Variants in MSI2 observed in about 807,000 individuals in gnomAD.
The protein encoded by MSI2 is RNA-binding protein Musashi homolog 2.
Under a neutral mutation model 45.6 loss-of-function variants are expected in MSI2, and 17 were observed. The observed-to-expected ratio is 0.37, with a 90% CI of 0.26 to 0.56. MSI2 has a LOEUF of 0.56. Among genes scored for constraint, MSI2 ranks in the 20% least tolerant of loss-of-function variants. MSI2 has a pLI of 0.77. For synonymous variants in MSI2, 156 were observed against 158.2 expected (o/e 0.99, Z 0.11); for missense variants, 293 against 444.2 (o/e 0.66, Z 3.06).
chr17:57,264,495 G>C (rs1361411473), intron 5 of MSI2: 1 of 152,228 alleles, frequency 6.6e-6, no homozygotes, highest in Non-Finnish European at 1.5e-5. Flanking sequence ...TTATAGGCGT[G>C]AGCCACTGTG....
chr17:57,502,636 T>G (rs12602801), intron 6 of MSI2, among the ~76,000 whole-genome samples: 5,356 of 95,346 alleles, frequency 0.056, 437 homozygotes, highest in Admixed American at 0.11. Flanking sequence ...TATATATATA[T>G]AGTCATCATT....
chr17:57,638,738 AAAATATTT>A (rs1910026196), intron 10 of MSI2, among the ~76,000 whole-genome samples: 1 of 51,550 alleles, frequency 1.9e-5, no homozygotes, highest in African/African-American at 6.3e-5. Flanking sequence ...AAATATTTAA[AAAATATTT>A]AAAAAATTAG....
At chr17:57,302,952 C>T (rs556030673) in intron 5 of MSI2, among the ~76,000 whole-genome samples, 178 of 152,160 alleles carry the variant, frequency 1.2e-3, no homozygotes, top group Non-Finnish European at 1.8e-3. Flanking sequence ...TAGAAACTGG[C>T]CGAGTGAGGA....
At chr17:57,323,866 C>A (rs12951074) in intron 5 of MSI2, among the ~76,000 whole-genome samples, 93,366 of 152,154 alleles carry the variant, frequency 0.61, 32,898 homozygotes, top group Middle Eastern at 0.79. Flanking sequence ...CCATCACCCT[C>A]ATTTGTTCCT....
At chr17:57,348,670 C>T (rs1461239143) in intron 5 of MSI2, among the ~76,000 whole-genome samples, 1 of 152,160 alleles carries the variant, frequency 6.6e-6, no homozygotes, top group Non-Finnish European at 1.5e-5. Flanking sequence ...GGAAGCCGTG[C>T]AGATGTGGGC....
chr17:57,582,613 C>T (rs866418139), intron 7 of MSI2, among the ~76,000 whole-genome samples: 2 of 152,124 alleles, frequency 1.3e-5, no homozygotes, highest in African/African-American at 2.4e-5. Context: ...CAGATCCCAG[C>T]GGAGGAAGCA....
chr17:57,352,923 T>C (rs960268850), intron 5 of MSI2, among the ~76,000 whole-genome samples: 1 of 151,986 alleles, frequency 6.6e-6, no homozygotes, highest in African/African-American at 2.4e-5. Context: ...GTGTGGAGAG[T>C]AGGAAATTAG....
At chr17:57,465,928 C>T (rs558215969) in intron 6 of MSI2, among the ~76,000 whole-genome samples, 2 of 152,324 alleles carry the variant, frequency 1.3e-5, no homozygotes, top group East Asian at 1.9e-4. Context: ...GCGGCAAATG[C>T]TTTCATGGCT....
At chr17:57,416,752 G>A (rs2084301771) in intron 6 of MSI2, among the ~76,000 whole-genome samples, 2 of 152,174 alleles carry the variant, frequency 1.3e-5, no homozygotes, top group South Asian at 4.1e-4. Flanking sequence ...GGAGTTCCTG[G>A]GGTTGGGGGG....
At chr17:57,354,206 G>C (rs1916253380) in intron 5 of MSI2, among the ~76,000 whole-genome samples, 1 of 152,202 alleles carries the variant, frequency 6.6e-6, no homozygotes, top group African/African-American at 2.4e-5. Flanking sequence ...ACAGATGGCA[G>C]ACCTGATGTG....
intron 6 of MSI2, among the ~76,000 whole-genome samples, chr17:57,468,045 G>A (rs2085360957): frequency 6.6e-6 from 1 of 151,940 alleles, no homozygotes; most frequent in South Asian, 2.1e-4. Context: ...GCAATGTCAA[G>A]TGTAGTGGAT....
intron 6 of MSI2, among the ~76,000 whole-genome samples, chr17:57,504,199 G>T (rs1174246435): frequency 6.6e-6 from 1 of 152,082 alleles, no homozygotes; most frequent in Non-Finnish European, 1.5e-5. Flanking sequence ...CTTCCTGCAG[G>T]GCACCCTCCC....
intron 9 of MSI2, among the ~76,000 whole-genome samples, chr17:57,621,222 A>G (rs1004441716): frequency 1.3e-5 from 2 of 152,244 alleles, no homozygotes; most frequent in African/African-American, 4.8e-5. Context: ...CTATGCCTGC[A>G]TATTAGTCCT....
chr17:57,669,538 G>GAT (rs1912624454), intron 11 of MSI2, among the ~76,000 whole-genome samples: 2 of 152,362 alleles, frequency 1.3e-5, no homozygotes, highest in African/African-American at 4.8e-5. Flanking sequence ...AATCAAGGCA[G>GAT]ATATAAGCAT....
intron 6 of MSI2, among the ~76,000 whole-genome samples, chr17:57,413,029 TAAC>T (rs1340024818): frequency 5.3e-5 from 8 of 152,226 alleles, no homozygotes; most frequent in African/African-American, 1.9e-4. Context: ...AGTGAGCACT[TAAC>T]AAATGTTAGA....
intron 8 of MSI2, chr17:57,601,859 A>G (rs906028014): frequency 6.6e-6 from 1 of 152,104 alleles, no homozygotes; most frequent in Non-Finnish European, 1.5e-5. Flanking sequence ...TCCTCATCTC[A>G]TTTTACAGAG....
chr17:57,304,218 G>A (rs188012485), intron 5 of MSI2, among the ~76,000 whole-genome samples: 1,858 of 151,628 alleles, frequency 0.012, 38 homozygotes, highest in African/African-American at 0.042. Context: ...ATAGCTGGGC[G>A]TGGTGGCGTG....
intron 6 of MSI2, among the ~76,000 whole-genome samples, chr17:57,510,706 G>A (rs1451868329): frequency 6.6e-6 from 1 of 152,228 alleles, no homozygotes; most frequent in East Asian, 1.9e-4. Context: ...GGGATTACAG[G>A]CGTGAGCCAC....
At chr17:57,465,922 C>A (rs974741922) in intron 6 of MSI2, among the ~76,000 whole-genome samples, 1 of 152,184 alleles carries the variant, frequency 6.6e-6, no homozygotes, top group Non-Finnish European at 1.5e-5. Flanking sequence ...TATTAGGCGG[C>A]AAATGCTTTC....
Sources: gnomAD v4.1 joint callset for allele counts (sites outside exome capture counted in the v4.1 genomes callset) on GRCh38, gnomAD v4.1.1 for gene constraint, MANE v1.5 for transcripts, NCBI Gene and HGNC (gene_info 2026-07-23, HGNC 2026-07-21) for gene names.